Variants in FTCDNL1 observed in about 807,000 individuals in gnomAD.
The protein encoded by FTCDNL1 is formiminotransferase cyclodeaminase N-terminal like.
In FTCDNL1, 11 loss-of-function variants were observed where a neutral mutation model predicts 5.9. The observed-to-expected ratio is 1.87, with a 90% CI of 1.18 to 3.10. FTCDNL1 has a LOEUF of 3.10. Ranked by LOEUF, FTCDNL1 falls within the 30% of genes most tolerant of loss-of-function variation. The pLI, the probability that FTCDNL1 is intolerant of heterozygous loss-of-function variation, is 0.00. For synonymous variants in FTCDNL1, 58 were observed against 24.8 expected (o/e 2.34, Z -3.99); for missense variants, 115 against 65.5 (o/e 1.76, Z -2.61).
At chr2:199,720,634 GTACTC>G in the FTCDNL1 span, among the ~76,000 whole-genome samples, 4 of 152,112 alleles carry the variant, frequency 2.6e-5, no homozygotes, top group Non-Finnish European at 5.9e-5. Context: ...TTTTCTCTGT[GTACTC>G]TACCCTTCTC....
At chr2:199,680,637 A>C in the FTCDNL1 span, among the ~76,000 whole-genome samples, 1 of 152,224 alleles carries the variant, frequency 6.6e-6, no homozygotes. Flanking sequence ...ACTGTGATGC[A>C]ACAGGAGGAA....
chr2:199,779,998 C>T (rs569729755), intron 3 of FTCDNL1, among the ~76,000 whole-genome samples: 4 of 152,238 alleles, frequency 2.6e-5, no homozygotes, highest in East Asian at 1.9e-4. Flanking sequence ...TATCACGTGC[C>T]GACAGCTAGC....
intron 3 of FTCDNL1, among the ~76,000 whole-genome samples, chr2:199,765,551 TATA>T (rs1314514488): frequency 3.6e-4 from 34 of 93,666 alleles, no homozygotes; most frequent in African/African-American, 6.1e-4. Context: ...TATATATATA[TATA>T]TATTTTTTTT....
the FTCDNL1 span, among the ~76,000 whole-genome samples, chr2:199,702,239 A>G: frequency 6.6e-6 from 1 of 152,136 alleles, no homozygotes; most frequent in East Asian, 1.9e-4. Flanking sequence ...GTGACATTCA[A>G]TTTACCCATG....
intron 1 of FTCDNL1, among the ~76,000 whole-genome samples, chr2:199,849,906 G>A (rs763011170): frequency 2.0e-5 from 3 of 152,192 alleles, no homozygotes; most frequent in South Asian, 2.1e-4. Context: ...TTTTCTGACA[G>A]GTAATGTTCC....
the FTCDNL1 span, among the ~76,000 whole-genome samples, chr2:199,742,032 C>T: frequency 3.3e-5 from 5 of 152,080 alleles, no homozygotes; most frequent in South Asian, 2.1e-4. Context: ...TCCTACCCTC[C>T]GCCCTCATAT....
chr2:199,716,214 T>C, the FTCDNL1 span, among the ~76,000 whole-genome samples: 1 of 152,146 alleles, frequency 6.6e-6, no homozygotes, highest in African/African-American at 2.4e-5. Context: ...TTACTAAGTA[T>C]AAGGAAGTGA....
chr2:199,821,326 T>A (rs1241470812), intron 3 of FTCDNL1, among the ~76,000 whole-genome samples: 9 of 151,126 alleles, frequency 6.0e-5, no homozygotes, highest in South Asian at 4.2e-4. Flanking sequence ...ATTTTTTTTT[T>A]TTTTTTTTTT....
the FTCDNL1 span, among the ~76,000 whole-genome samples, chr2:199,685,169 A>G: frequency 3.0e-4 from 45 of 152,298 alleles, no homozygotes; most frequent in East Asian, 8.5e-3. Context: ...TTTATTCCAG[A>G]ATGTGATATA....
At chr2:199,816,029 A>G (rs1701333817) in intron 4 of FTCDNL1, among the ~76,000 whole-genome samples, 1 of 151,126 alleles carries the variant, frequency 6.6e-6, no homozygotes, top group African/African-American at 2.4e-5. Context: ...AAAGAAAGAA[A>G]GCAATTTACT....
chr2:199,770,587 C>T (rs1221066140), intron 3 of FTCDNL1, among the ~76,000 whole-genome samples: 1 of 152,156 alleles, frequency 6.6e-6, no homozygotes, highest in Non-Finnish European at 1.5e-5. Context: ...ATACAATTTT[C>T]CTGAGCCCCC....
the FTCDNL1 span, among the ~76,000 whole-genome samples, chr2:199,746,002 C>A: frequency 2.0e-5 from 3 of 152,230 alleles, no homozygotes; most frequent in Admixed American, 6.5e-5. Flanking sequence ...GATTCCACAA[C>A]ATGGATCAGA....
chr2:199,819,084 T>C (rs1386085358), intron 4 of FTCDNL1: 1 of 153,386 alleles, frequency 6.5e-6, no homozygotes, highest in Non-Finnish European at 1.5e-5. Context: ...CTAGAACAGC[T>C]TTTTTCCAGG....
chr2:199,766,726 A>G (rs1698554321), intron 3 of FTCDNL1, among the ~76,000 whole-genome samples: 2 of 152,198 alleles, frequency 1.3e-5, no homozygotes, highest in South Asian at 4.1e-4. Flanking sequence ...TTGATGGTTA[A>G]TGATGTGACT....
At chr2:199,744,932 C>G in the FTCDNL1 span, among the ~76,000 whole-genome samples, 1 of 152,232 alleles carries the variant, frequency 6.6e-6, no homozygotes, top group African/African-American at 2.4e-5. Context: ...AAAGGCCTCT[C>G]CATTTTTCCT....
the FTCDNL1 span, among the ~76,000 whole-genome samples, chr2:199,706,023 T>C: frequency 6.6e-6 from 1 of 152,172 alleles, no homozygotes; most frequent in Non-Finnish European, 1.5e-5. Flanking sequence ...TTCACAGTTA[T>C]AACAGGGGAA....
the FTCDNL1 span, among the ~76,000 whole-genome samples, chr2:199,717,709 A>G: frequency 1.3e-5 from 2 of 152,002 alleles, no homozygotes; most frequent in African/African-American, 4.8e-5. Flanking sequence ...TTCCTATGAG[A>G]CAATGAGGGA....
At chr2:199,846,007 A>T (rs2076723489) in intron 3 of FTCDNL1, 68 bp downstream of exon 3, 1 of 609,552 alleles carries the variant, frequency 1.6e-6, no homozygotes, top group Non-Finnish European at 2.9e-6. Context: ...ATCAATGATT[A>T]GAGAATGTTC....
chr2:199,665,215 T>C, the FTCDNL1 span, among the ~76,000 whole-genome samples: 1 of 152,218 alleles, frequency 6.6e-6, no homozygotes, highest in African/African-American at 2.4e-5. Context: ...CATGAGCCCA[T>C]GGGATGGGAT....
Sources: gnomAD v4.1 joint callset for allele counts (sites outside exome capture counted in the v4.1 genomes callset) on GRCh38, gnomAD v4.1.1 for gene constraint, MANE v1.5 for transcripts, NCBI Gene and HGNC (gene_info 2026-07-23, HGNC 2026-07-21) for gene names.